Variants in NCKAP5 observed in about 807,000 individuals in gnomAD.
The protein encoded by NCKAP5 is NCK associated protein 5.
NCKAP5 carries 92 observed loss-of-function variants against 167.0 expected under a neutral mutation model. The observed-to-expected ratio is 0.55, with a 90% CI of 0.47 to 0.66. The LOEUF (loss-of-function observed/expected upper bound fraction) is 0.66, where lower values mean the gene tolerates loss of function less well. Among genes scored for constraint, NCKAP5 ranks in the 30% least tolerant of loss-of-function variants. NCKAP5 has a pLI of 0.00. For synonymous variants in NCKAP5, 891 were observed against 877.4 expected, an observed-to-expected ratio of 1.02 and a Z score of -0.27; for missense variants, 2,378 against 2,315.0, an observed-to-expected ratio of 1.03 and a Z score of -0.56.
At chr2:133,006,726 G>A (rs772802874) in intron 6 of NCKAP5, among the ~76,000 whole-genome samples, 71 of 152,164 alleles carry the variant, frequency 4.7e-4, no homozygotes, top group African/African-American at 1.5e-3. Context: ...GTAAGTAGCC[G>A]GTGTTAATCT....
chr2:133,610,441 T>C, the NCKAP5 span, among the ~76,000 whole-genome samples: 4 of 152,130 alleles, frequency 2.6e-5, no homozygotes, highest in Non-Finnish European at 5.9e-5. Flanking sequence ...TAAATGACTA[T>C]CATTCTGAGT....
At chr2:133,040,107 A>G (rs1373617391) in intron 6 of NCKAP5, among the ~76,000 whole-genome samples, 1 of 152,038 alleles carries the variant, frequency 6.6e-6, no homozygotes, top group Non-Finnish European at 1.5e-5. Flanking sequence ...ATTCATTCAG[A>G]AGCACATCTA....
intron 4 of NCKAP5, among the ~76,000 whole-genome samples, chr2:133,225,870 A>T (rs1445380277): frequency 1.5e-5 from 2 of 132,888 alleles, no homozygotes; most frequent in African/African-American, 5.8e-5. Flanking sequence ...GCAACCTCTG[A>T]CTCCCGGGTT....
chr2:133,528,832 G>A (rs898832734), intron 2 of NCKAP5, among the ~76,000 whole-genome samples: 1 of 152,142 alleles, frequency 6.6e-6, no homozygotes, highest in African/African-American at 2.4e-5. Context: ...TCTAAGACAG[G>A]CCTCACTAGG....
intron 3 of NCKAP5, among the ~76,000 whole-genome samples, chr2:133,437,024 C>T (rs557770139): frequency 3.1e-4 from 47 of 152,182 alleles, no homozygotes; most frequent in African/African-American, 1.1e-3. Flanking sequence ...CCTAACACTT[C>T]TTCTAAAACT....
intron 4 of NCKAP5, among the ~76,000 whole-genome samples, chr2:133,247,937 T>A (rs2088087787): frequency 6.6e-6 from 1 of 152,216 alleles, no homozygotes; most frequent in Non-Finnish European, 1.5e-5. Context: ...TAAAGTCCTA[T>A]GAGGGGATTA....
intron 2 of NCKAP5, chr2:133,526,983 T>G (rs1684976772): frequency 6.6e-6 from 1 of 152,150 alleles, no homozygotes. Flanking sequence ...AAAATTCCAC[T>G]GCCAAAAGCA....
At chr2:133,150,635 T>C (rs1294225100) in intron 5 of NCKAP5, among the ~76,000 whole-genome samples, 2 of 152,176 alleles carry the variant, frequency 1.3e-5, no homozygotes, top group Admixed American at 1.3e-4. Context: ...TTTAAATAAA[T>C]TGGTTTGCTG....
intron 16 of NCKAP5, among the ~76,000 whole-genome samples, chr2:132,734,978 G>A (rs562779490): frequency 2.6e-5 from 4 of 152,240 alleles, no homozygotes; most frequent in Admixed American, 6.5e-5. Context: ...AATTGGTGCT[G>A]GCCCTGGAAT....
intron 2 of NCKAP5, among the ~76,000 whole-genome samples, chr2:133,533,719 C>T (rs1685538672): frequency 6.6e-6 from 1 of 152,122 alleles, no homozygotes; most frequent in South Asian, 2.1e-4. Flanking sequence ...GTTCTGAAAG[C>T]ACAAAGGTTT....
chr2:132,917,395 G>A (rs1015124315), intron 8 of NCKAP5, among the ~76,000 whole-genome samples: 1 of 152,122 alleles, frequency 6.6e-6, no homozygotes, highest in Non-Finnish European at 1.5e-5. Flanking sequence ...TACAGAAGAG[G>A]GCATTAAAAT....
chr2:132,743,879 GA>G (rs780258185), intron 16 of NCKAP5, among the ~76,000 whole-genome samples: 4 of 151,504 alleles, frequency 2.6e-5, no homozygotes, highest in African/African-American at 4.8e-5. Flanking sequence ...CTAATAAAAA[GA>G]AAGCTAGAGT....
At chr2:133,191,883 C>T (rs953393545) in intron 5 of NCKAP5, among the ~76,000 whole-genome samples, 8 of 151,752 alleles carry the variant, frequency 5.3e-5, no homozygotes, top group East Asian at 1.9e-4. Context: ...CAAACCTGCA[C>T]GTTGTGCACA....
the NCKAP5 span, among the ~76,000 whole-genome samples, chr2:133,620,258 T>C: frequency 6.6e-6 from 1 of 151,616 alleles, no homozygotes; most frequent in Admixed American, 6.6e-5. Context: ...TTGATGTAAA[T>C]GGCCTAAATG....
At chr2:133,100,179 A>G (rs1574028462) in intron 6 of NCKAP5, among the ~76,000 whole-genome samples, 1 of 152,250 alleles carries the variant, frequency 6.6e-6, no homozygotes, top group Non-Finnish European at 1.5e-5. Flanking sequence ...CATTTCAAGT[A>G]CACCGAATCT....
chr2:133,178,829 C>CAA (rs66552853), intron 5 of NCKAP5, among the ~76,000 whole-genome samples: 243 of 58,498 alleles, frequency 4.2e-3, no homozygotes, highest in African/African-American at 5.5e-3. Context: ...GACTCCGTCT[C>CAA]AAAAAAAAAA....
At chr2:133,118,456 G>T (rs912231696) in intron 6 of NCKAP5, 20 of 152,130 alleles carry the variant, frequency 1.3e-4, no homozygotes, top group African/African-American at 4.6e-4. Flanking sequence ...CACAGTGAGG[G>T]TTATTAAACG....
intron 3 of NCKAP5, among the ~76,000 whole-genome samples, chr2:133,334,548 C>T (rs965329568): frequency 6.6e-6 from 1 of 152,062 alleles, no homozygotes; most frequent in Non-Finnish European, 1.5e-5. Flanking sequence ...GATTCAAGAC[C>T]ACGACTGTCC....
the NCKAP5 span, among the ~76,000 whole-genome samples, chr2:133,590,523 CAAAAAAAAAAAA>C: frequency 1.1e-5 from 1 of 89,704 alleles, no homozygotes; most frequent in Non-Finnish European, 2.1e-5. Context: ...GACTCTGTCT[CAAAAAAAAAAAA>C]AAAAAAAAAA....
Sources: allele counts gnomAD v4.1 joint callset (sites outside exome capture counted in the v4.1 genomes callset), GRCh38; gene constraint gnomAD v4.1.1; transcripts MANE v1.5; gene names NCBI Gene and HGNC (gene_info 2026-07-23, HGNC 2026-07-21).